The following STK36 variants were observed in gnomAD, a reference collection of about 807,000 sequenced individuals.
STK36 encodes the protein serine/threonine-protein kinase 36.
In STK36, 116 loss-of-function variants were observed where a neutral mutation model predicts 142.2. The ratio of observed to expected loss-of-function variants is 0.82; its 90% confidence interval spans 0.70 to 0.95. STK36 has a LOEUF of 0.95. Among genes scored for constraint, STK36 ranks in the 40% least tolerant of loss-of-function variants. The pLI, the probability that STK36 is intolerant of heterozygous loss-of-function variation, is 0.00. For synonymous variants in STK36, 619 were observed against 641.7 expected (o/e 0.96, Z 0.53); for missense variants, 1,422 against 1,617.2 (o/e 0.88, Z 2.07).
At chr2:218,698,544 C>T in intron 25 of STK36, 58 bp from the exon 26 acceptor site, 2 of 1,561,392 alleles carry the variant, frequency 1.3e-6, no homozygotes, top group Non-Finnish European at 1.7e-6. Flanking sequence ...TTTTGGGCTT[C>T]TTTATAGCTG....
chr2:218,692,278 G>C lies in STK36; in HGVS notation c.1900G>C (p.Val634Leu). 1 of 1,614,136 alleles carries C rather than the reference G, an allele frequency of 6.2e-7. No homozygotes were observed. The change falls in exon 15 of 27, where the codon GTC (valine) becomes CTC (leucine). Residue 634 changes from valine (V) to leucine (L), a missense_variant. This residue lies in a region of STK36 where 962 missense variants were observed against 1,167.5 expected (regional missense o/e 0.82). Coordinates refer to ENST00000295709, the MANE Select transcript of STK36 (RefSeq NM_015690.5). ...TGGCTTGACAGTTCCACAGCTCCCTGTCCACACTCCCCAAGGTAACCAGAG... is the reference window on the plus strand; with the variant it reads ...TGGCTTGACAGTTCCACAGCTCCCTCTCCACACTCCCCAAGGTAACCAGAG... Reference protein sequence around the residue: ...LHGLTVPQLPVHTPQGAPQVS... With the variant: ...LHGLTVPQLPLHTPQGAPQVS...
Position 218,697,195 on chromosome 2 carries a change from A to T in STK36, c.2743A>T (p.Thr915Ser). The change falls in exon 23 of 27, where the codon ACA (threonine) becomes TCA (serine). Residue 915 changes from threonine to serine, a missense_variant. By Grantham distance (58) the Thr-to-Ser change is moderately conservative (BLOSUM62 1). Transcript: ENST00000295709. ...TCCACCAAGCCCTGAGCCAGACTGG[A>T]CACTGATTTCTCCCCAGGGTATCTT... Reference protein sequence around the residue: ...SSPPSPEPDWTLISPQGMAAL... With the variant: ...SSPPSPEPDWSLISPQGMAAL... The T allele has an allele frequency of 6.2e-7, 1 of 1,612,986 alleles. No homozygotes were observed. Among genetic ancestry groups the T allele is most frequent in the Non-Finnish European group, 8.5e-7 (1 of 1,179,674 alleles).
Position 218,680,691 on chromosome 2 carries a change from C to CT in STK36, c.1226dup (p.Glu410GlyfsTer3). The CT allele has an allele frequency of 6.2e-7, 1 of 1,612,276 alleles. No homozygotes were observed. The highest frequency in any genetic ancestry group is 8.5e-7 in the Non-Finnish European group (1 of 1,179,392). On this transcript the variant is annotated frameshift_variant, in exon 10 of 27. Transcript: ENST00000295709. LOFTEE classifies it high-confidence loss of function. ...CCAGCGGAGCACTGATGTAGTGGAC[C>CT]TGGAAAATGAGGTGAGCCCTAGGGT...
Position 218,697,813 on chromosome 2 carries a change from A to G in STK36, c.2910-41A>G, listed in dbSNP as rs1351878987. 3.7e-6 allele frequency: 6 copies of G among 1,613,682 alleles called. No homozygotes were observed. The Admixed American group carries it at 6.7e-5, about 18-fold the overall frequency. ...GAGGGAGGGAGGAATGATAAAGGTT[A>G]AGTGAACAAGACCAAGTCTCTTCGA... On this transcript the variant is annotated intron_variant, in intron 24 of 26. Transcript: ENST00000295709.
In STK36 at chr2:218,679,170, C is replaced by A; in HGVS notation, c.687C>A (p.Asn229Lys). Residue 229 changes from asparagine to lysine, a missense_variant and splice_region_variant, in exon 7 of 27, where the codon AAC (asparagine) becomes AAA (lysine). Asn to Lys is a moderately conservative substitution (Grantham distance 94). Coordinates refer to ENST00000295709, the MANE Select transcript of STK36 (RefSeq NM_015690.5). The stretch of plus-strand genomic sequence containing the variant: ...TGGAATATTTTTTCTCTCTGTAGAA[C>A]TTCCTGCAGGGACTGCTCACCAAAG... ...WPSTISPCFKNFLQGLLTKDP... is the reference protein window; with the variant it reads ...WPSTISPCFKKFLQGLLTKDP... 2 of 1,614,054 alleles carry A rather than the reference C, an allele frequency of 1.2e-6. No individual in the cohort carries two copies. Among genetic ancestry groups the A allele is most frequent in the South Asian group, 2.2e-5 (2 of 91,084 alleles).
chr2:218,698,879 G>A lies in STK36; in HGVS notation c.3335G>A (p.Arg1112Gln), dbSNP rs12993599. The A allele has an allele frequency of 0.054, 87,132 of 1,614,076 alleles. 2,586 individuals carry two copies. The highest frequency in any genetic ancestry group is 0.11 in the African/African-American group (7,985 of 75,006). The change falls in exon 26 of 27, where the codon CGG becomes CAG. Residue 1112 changes from arginine (R) to glutamine (Q), a missense_variant. This residue lies in a region of STK36 where 962 missense variants were observed against 1,167.5 expected (regional missense o/e 0.82). Transcript: ENST00000295709. ...ELLAGSDESY[R>Q]PLRSLLGHPE... The stretch of plus-strand genomic sequence containing the variant: ...CTGGCTGGCTCTGATGAATCCTATC[G>A]GCCCCTGCGCAGCCTCCTGGGCCAC...
At position 218,690,487 on chromosome 2, in the gene STK36, GACCTGTTGGGGAA is replaced by G; in HGVS notation, c.1699_1711del (p.Leu567CysfsTer43). On this transcript the variant is annotated frameshift_variant, in exon 14 of 27. Transcript: ENST00000295709. LOFTEE classifies it high-confidence loss of function. ...TCAGGAGGCTGCCAACCTTTTTCTG[GACCTGTTGGGGAA>G]ACTGCTGGCCCAACCAGATGACTCT... 1.2e-6 allele frequency: 2 copies of G among 1,614,102 alleles called. No individual in the cohort carries two copies. Among genetic ancestry groups the G allele is most frequent in the Non-Finnish European group, 1.7e-6 (2 of 1,180,026 alleles).
chr2:218,690,270 G>A (rs779328108), intron 13 of STK36, among the ~76,000 whole-genome samples, 180 bp from the exon 14 acceptor site: 2 of 152,144 alleles, frequency 1.3e-5, no homozygotes, highest in African/African-American at 2.4e-5. Flanking sequence ...GAATAACCTA[G>A]AGAAAATGGC....
chr2:218,680,153 C>A, intron 9 of STK36, 73 bp downstream of exon 9: 1 of 1,447,722 alleles, frequency 6.9e-7, no homozygotes. Context: ...AAAGCAAATA[C>A]AGAATGGTCC....
At chr2:218,677,176 G>A (rs1378714186) in intron 6 of STK36, among the ~76,000 whole-genome samples, 3 of 152,150 alleles carry the variant, frequency 2.0e-5, no homozygotes, top group Non-Finnish European at 1.5e-5. Flanking sequence ...CAGGTGATCC[G>A]CCTGCCTTGG....
chr2:218,691,557 T>C (rs1940997969), intron 14 of STK36, among the ~76,000 whole-genome samples: 1 of 151,978 alleles, frequency 6.6e-6, no homozygotes, highest in Admixed American at 6.5e-5. Context: ...ATTTCTTCTT[T>C]TCTTTCCTTT....
In STK36 at chr2:218,697,026, C is replaced by T. The variant is rs371048422; in HGVS notation, c.2587-13C>T. The T allele has an allele frequency of 4.4e-5, 71 of 1,613,194 alleles. No homozygotes were observed. The highest frequency in any genetic ancestry group is 5.3e-5 in the Non-Finnish European group (62 of 1,179,598). ...CTGTCTTTCCCCCCGCCCTCTTTCA[C>T]TTTTATCTCTAGCAGGGGAAGGCTA... On this transcript the variant is annotated splice_polypyrimidine_tract_variant and intron_variant, in intron 22 of 26. Transcript: ENST00000295709.
chr2:218,681,214 C>A (rs988112749), intron 10 of STK36, among the ~76,000 whole-genome samples: 82 of 151,026 alleles, frequency 5.4e-4, no homozygotes, highest in African/African-American at 1.9e-3. Context: ...TGCAACCTCT[C>A]CCTTCTGGGT....
rs1391985899 is a variant in STK36 at position 218,679,879 on chromosome 2, C to G, written c.949-14C>G. ...AAATAGCTCTGATTCAGTGTTGCCC[C>G]CTACCTCCCACAGAAACATCAGAAC... On this transcript the variant is annotated splice_polypyrimidine_tract_variant and intron_variant, in intron 8 of 26. Transcript: ENST00000295709. 2 of 1,611,340 alleles carry G rather than the reference C, an allele frequency of 1.2e-6. No homozygotes were observed. Among genetic ancestry groups the G allele is most frequent in the East Asian group, 2.2e-5 (1 of 44,830 alleles).
chr2:218,678,124 A>T (rs11681170), intron 6 of STK36, among the ~76,000 whole-genome samples: 57 of 152,062 alleles, frequency 3.7e-4, no homozygotes, highest in Admixed American at 1.3e-3. Context: ...AATTTTTTTT[A>T]AAATTTTTTA....
rs1940440557 is a variant in STK36 at position 218,679,994 on chromosome 2, A to ATCAAGCC, written c.1053_1059dup (p.Leu354LysfsTer17). The ATCAAGCC allele has an allele frequency of 6.2e-7, 1 of 1,614,200 alleles. No individual in the cohort carries two copies. Among genetic ancestry groups the ATCAAGCC allele is most frequent in the Admixed American group, 1.7e-5 (1 of 60,024 alleles). ...CCAGACTCGGGGCCACTCCTCAGGA[A>ATCAAGCC]TCAAGCCTCCTGGCCGGGATCTTAG... On this transcript the variant is annotated frameshift_variant, in exon 9 of 27. Transcript: ENST00000295709. LOFTEE classifies it high-confidence loss of function.
intron 26 of STK36, among the ~76,000 whole-genome samples, chr2:218,701,307 A>AT (rs760265629): frequency 0.025 from 3,470 of 137,048 alleles, 128 homozygotes; most frequent in African/African-American, 0.081. Context: ...AATTTTTTGT[A>AT]TTTTTTTTTT....
At chr2:218,675,215 A>G (rs1940179024) in intron 4 of STK36, 128 bp from the exon 5 acceptor site, 2 of 974,020 alleles carry the variant, frequency 2.1e-6, no homozygotes, top group Non-Finnish European at 2.9e-6. Context: ...AAGAAAGAAT[A>G]GTGTGAAGCT....
chr2:218,692,621 G>A lies in STK36; in HGVS notation c.1954G>A (p.Glu652Lys). Residue 652 changes from glutamate to lysine, a missense_variant, in exon 16 of 27, where the codon GAG (glutamate) becomes AAG (lysine). Physicochemically the swap from Glu to Lys is moderately conservative, Grantham distance 56. Transcript: ENST00000295709. ...QVSQPLREQSEDIPGAISSAL... is the reference protein window; with the variant it reads ...QVSQPLREQSKDIPGAISSAL... ...GAGCCAGCCACTGCGAGAGCAGAGT[G>A]AGGATATACCTGGAGCCATTTCCTC... is the stretch of plus-strand genomic sequence containing the variant. 1.2e-6 allele frequency: 2 copies of A among 1,613,694 alleles called. No homozygotes were observed. The highest frequency in any genetic ancestry group is 2.2e-5 in the South Asian group (2 of 91,066).
Sources: gnomAD v4.1 joint callset for allele counts (sites outside exome capture counted in the v4.1 genomes callset) on GRCh38, gnomAD v4.1.1 for gene constraint, gnomAD v4.1.1 regional missense constraint, MANE v1.5 for transcripts, NCBI Gene and HGNC (gene_info 2026-07-23, HGNC 2026-07-21) for gene names.